Variants in WDR27 observed in about 807,000 individuals in gnomAD.
WDR27 encodes the protein WD repeat-containing protein 27.
WDR27 carries 100 observed loss-of-function variants against 114.4 expected under a neutral mutation model. That is an observed-to-expected ratio of 0.87 (90% CI 0.74 to 1.03). The LOEUF is 1.03. Among genes scored for constraint, WDR27 ranks in the 50% least tolerant of loss-of-function variants. WDR27 has a pLI of 0.00. For synonymous variants in WDR27, 449 were observed against 423.1 expected (o/e 1.06, Z -0.75); for missense variants, 1,129 against 1,092.9 (o/e 1.03, Z -0.47).
In WDR27 at chr6:169,644,786, G is replaced by A. The variant is rs1284576587; in HGVS notation, c.1658-1000C>T. ...GCACTTTGGGAGGCCGAGGCGGGCG[G>A]ATCACGAGGTCAGGAGATCGAGACC... On this transcript the variant is annotated intron_variant, in intron 16 of 25. Coordinates refer to ENST00000448612, the MANE Select transcript of WDR27 (RefSeq NM_182552.5). 3.0e-5 allele frequency among the ~76,000 whole-genome samples: 2 copies of A among 67,442 alleles called. 1 individual carries two copies. The highest frequency in any genetic ancestry group is 1.9e-4 in the African/African-American group (2 of 10,804). 44.2% of individuals were successfully genotyped at this position (67,442 alleles called of 152,430 possible). A position where few individuals can be genotyped will look rare whatever the true frequency, so the allele number is the denominator to read the frequency against.
At chr6:169,432,693 AC>A in the WDR27 span, among the ~76,000 whole-genome samples, 1 of 152,128 alleles carries the variant, frequency 6.6e-6, no homozygotes, top group African/African-American at 2.4e-5. Context: ...TTTATAAATT[AC>A]CCTGTCTCAG....
At chr6:169,447,916 T>C in the WDR27 span, among the ~76,000 whole-genome samples, 11 of 152,338 alleles carry the variant, frequency 7.2e-5, no homozygotes, top group Admixed American at 7.2e-4. Flanking sequence ...TTGGATTTTA[T>C]ACTTACTTCC....
At position 169,613,573 on chromosome 6, in the gene WDR27, G is replaced by A; in HGVS notation, c.2307C>T (p.Asp769=). The A allele has an allele frequency of 6.2e-7, 1 of 1,613,772 alleles. No individual in the cohort carries two copies. The highest frequency in any genetic ancestry group is 8.5e-7 in the Non-Finnish European group (1 of 1,179,776). Residue 769 remains aspartate, a synonymous_variant, in exon 22 of 26, where the codon GAC becomes GAT. Coordinates refer to ENST00000448612, the MANE Select transcript of WDR27 (RefSeq NM_182552.5). Reference sequence around the variant, plus strand: ...GACAGCCTTACCTCAGGGTTCTCAGGTCCCACAGTCTCATCCCATCGCCAA... The same window carrying A: ...GACAGCCTTACCTCAGGGTTCTCAGATCCCACAGTCTCATCCCATCGCCAA... ...TAIGDGMRLW[D]LRTLRCERHF... is the part of the protein sequence containing the mutation.
chr6:169,651,597 G>A (rs934494070), intron 14 of WDR27, among the ~76,000 whole-genome samples: 2 of 152,092 alleles, frequency 1.3e-5, no homozygotes, highest in Non-Finnish European at 2.9e-5. Flanking sequence ...GCCTTGATGG[G>A]CCACGTTTGT....
At chr6:169,613,423 T>C (rs1811071886) in intron 22 of WDR27, 136 bp downstream of exon 22, 2 of 645,092 alleles carry the variant, frequency 3.1e-6, no homozygotes, top group Non-Finnish European at 5.1e-6. Context: ...CTAACTTTTC[T>C]GTGCATAAAT....
the WDR27 span, among the ~76,000 whole-genome samples, chr6:169,444,502 C>T: frequency 2.6e-5 from 4 of 152,154 alleles, no homozygotes; most frequent in African/African-American, 9.7e-5. Flanking sequence ...CCTGCTGTCC[C>T]AGCTCCACCA....
the WDR27 span, among the ~76,000 whole-genome samples, chr6:169,436,366 C>G: frequency 6.6e-6 from 1 of 152,036 alleles, no homozygotes; most frequent in Non-Finnish European, 1.5e-5. Context: ...ATAAATCCAG[C>G]TTAAAAGCAA....
intron 25 of WDR27, among the ~76,000 whole-genome samples, chr6:169,541,791 A>G (rs1796882068): frequency 6.6e-6 from 1 of 152,234 alleles, no homozygotes; most frequent in African/African-American, 2.4e-5. Context: ...GTTAAGCAAA[A>G]TATCTTGAGA....
chr6:169,437,872 T>A, the WDR27 span, among the ~76,000 whole-genome samples: 1 of 152,186 alleles, frequency 6.6e-6, no homozygotes, highest in Non-Finnish European at 1.5e-5. Context: ...TCTGGTAACA[T>A]GAGACTGTAT....
intron 5 of WDR27, 163 bp from the exon 6 acceptor site, chr6:169,667,350 C>A (rs1308675982): frequency 1.6e-5 from 20 of 1,231,134 alleles, no homozygotes; most frequent in Admixed American, 4.2e-5. Context: ...GTAGTAACAC[C>A]ATAAAATATG....
chr6:169,578,157 A>G (rs1366761806), intron 24 of WDR27, among the ~76,000 whole-genome samples: 1 of 152,178 alleles, frequency 6.6e-6, no homozygotes, highest in Non-Finnish European at 1.5e-5. Context: ...GGTCCTTCTG[A>G]GATTTCAAGC....
chr6:169,509,254 T>C (rs1161676270), intron 25 of WDR27, among the ~76,000 whole-genome samples: 1 of 152,202 alleles, frequency 6.6e-6, no homozygotes, highest in Non-Finnish European at 1.5e-5. Context: ...ACCAATGACT[T>C]TCTTCACAGA....
At chr6:169,486,630 T>TATA (rs1788953360) in intron 25 of WDR27, among the ~76,000 whole-genome samples, 2 of 152,282 alleles carry the variant, frequency 1.3e-5, no homozygotes, top group East Asian at 3.9e-4. Flanking sequence ...TAGCTGGGAT[T>TATA]ATGGGCAAAT....
intron 25 of WDR27, among the ~76,000 whole-genome samples, chr6:169,501,117 C>T (rs1028249046): frequency 6.6e-6 from 1 of 152,244 alleles, no homozygotes; most frequent in Non-Finnish European, 1.5e-5. Flanking sequence ...ATTTGGCAAA[C>T]AGGTGTGTGG....
At chr6:169,637,334 C>T (rs561217129) in intron 18 of WDR27, among the ~76,000 whole-genome samples, 12 of 152,300 alleles carry the variant, frequency 7.9e-5, no homozygotes, top group African/African-American at 2.2e-4. Context: ...ATTTAAAATT[C>T]TTCAAATGTT....
At chr6:169,668,510 G>A (rs3800547) in intron 4 of WDR27, 19,973 of 234,910 alleles carry the variant, frequency 0.085, 2,656 homozygotes, top group East Asian at 0.6. Flanking sequence ...AAGACGGTGC[G>A]GCAATAGGCG....
At chr6:169,661,015 C>T (rs1422153843) in intron 9 of WDR27, among the ~76,000 whole-genome samples, 1 of 151,960 alleles carries the variant, frequency 6.6e-6, no homozygotes, top group Non-Finnish European at 1.5e-5. Context: ...GGGCGTTGGG[C>T]CCCACGTGCG....
chr6:169,520,845 G>GA (rs1349927079), intron 25 of WDR27, among the ~76,000 whole-genome samples: 1 of 151,840 alleles, frequency 6.6e-6, no homozygotes, highest in South Asian at 2.1e-4. Context: ...AGAAAAAAAG[G>GA]AAAAAAATGA....
intron 25 of WDR27, among the ~76,000 whole-genome samples, chr6:169,532,253 A>AT (rs1472734944): frequency 7.2e-5 from 11 of 152,208 alleles, no homozygotes; most frequent in African/African-American, 2.4e-4. Flanking sequence ...TAATTCCCTT[A>AT]TTTTTTAATA....
Sources: gnomAD v4.1 joint callset for allele counts (sites outside exome capture counted in the v4.1 genomes callset) on GRCh38, gnomAD v4.1.1 for gene constraint, MANE v1.5 for transcripts, NCBI Gene and HGNC (gene_info 2026-07-23, HGNC 2026-07-21) for gene names.